The following NCOA1 variants were observed in gnomAD, a reference collection of about 807,000 sequenced individuals.
NCOA1 encodes Hin-2 protein.
In NCOA1, 35 loss-of-function variants were observed where a neutral mutation model predicts 150.9. The ratio of observed to expected loss-of-function variants is 0.23; its 90% CI spans 0.18 to 0.31. NCOA1 has a LOEUF of 0.31. NCOA1 is among the 10% of genes least tolerant of loss of function. NCOA1 has a pLI of 1.00. For synonymous variants in NCOA1, 590 were observed against 630.0 expected (o/e 0.94, Z 0.95); for missense variants, 1,491 against 1,749.3 (o/e 0.85, Z 2.63).
At position 24,658,671 on chromosome 2, in the gene NCOA1, T is replaced by C. The variant is rs1195070763; in HGVS notation, c.-7T>C. The stretch of plus-strand genomic sequence containing the variant: ...GTCCTTCCTGTTTAGGTGTGAAGTT[T>C]TTCAACATGAGTGGCCTCGGGGACA... On this transcript the variant is annotated 5_prime_UTR_variant, in exon 5 of 23. Transcript: ENST00000348332. 1.2e-6 allele frequency: 2 copies of C among 1,613,792 alleles called. No homozygotes were observed. The highest frequency in any genetic ancestry group is 3.3e-5 in the Admixed American group (2 of 60,026).
intron 1 of NCOA1, among the ~76,000 whole-genome samples, chr2:24,536,816 T>C (rs1665167368): frequency 6.6e-6 from 1 of 152,104 alleles, no homozygotes. Flanking sequence ...GAACAGCAAA[T>C]ACTACTGCCT....
At chr2:24,498,754 C>CAGTATGTAGTAAGT (rs951922862) in intron 1 of NCOA1, among the ~76,000 whole-genome samples, 24 of 152,088 alleles carry the variant, frequency 1.6e-4, no homozygotes, top group Admixed American at 1.0e-3. Flanking sequence ...TGGTGGGGAG[C>CAGTATGTAGTAAGT]AGTATGTAGT....
intron 19 of NCOA1, among the ~76,000 whole-genome samples, chr2:24,748,788 C>T (rs1394989946): frequency 6.6e-6 from 1 of 151,690 alleles, no homozygotes; most frequent in African/African-American, 2.4e-5. Context: ...AGTGACAGAA[C>T]ACAGTAGATA....
At chr2:24,625,856 T>A (rs1304188380) in intron 3 of NCOA1, among the ~76,000 whole-genome samples, 1 of 152,180 alleles carries the variant, frequency 6.6e-6, no homozygotes, top group East Asian at 1.9e-4. Flanking sequence ...TTTAATTTAT[T>A]TCAGTTGTGT....
At chr2:24,516,936 A>G (rs997771051) in intron 1 of NCOA1, among the ~76,000 whole-genome samples, 1 of 129,138 alleles carries the variant, frequency 7.7e-6, no homozygotes, top group African/African-American at 2.8e-5. Context: ...GCGTGTGTAT[A>G]TATATACGTA....
At chr2:24,579,182 A>T (rs1213321599) in intron 2 of NCOA1, among the ~76,000 whole-genome samples, 2 of 152,182 alleles carry the variant, frequency 1.3e-5, no homozygotes, top group Non-Finnish European at 2.9e-5. Context: ...AAGAGTTCTT[A>T]GAGGAATTTG....
At chr2:24,676,197 T>A (rs1055656310) in intron 7 of NCOA1, 1 of 154,610 alleles carries the variant, frequency 6.5e-6, no homozygotes, top group Admixed American at 6.5e-5. Context: ...TAGTTCCTTT[T>A]GTACTATCCG....
At chr2:24,505,184 C>G (rs1351088487) in intron 1 of NCOA1, among the ~76,000 whole-genome samples, 1 of 151,164 alleles carries the variant, frequency 6.6e-6, no homozygotes, top group African/African-American at 2.4e-5. Context: ...ATATTTTTTT[C>G]TTTTTTCTTT....
At chr2:24,567,485 C>A (rs1035949929) in intron 2 of NCOA1, among the ~76,000 whole-genome samples, 1 of 152,066 alleles carries the variant, frequency 6.6e-6, no homozygotes, top group African/African-American at 2.4e-5. Context: ...TTGAAGATGT[C>A]TTTTATTCAG....
chr2:24,552,398 G>T (rs1317993608), intron 1 of NCOA1, among the ~76,000 whole-genome samples: 1 of 101,814 alleles, frequency 9.8e-6, no homozygotes, highest in Non-Finnish European at 1.8e-5. Flanking sequence ...ATGGAGTCTC[G>T]CTCTGTTGTC....
rs926851084 is a variant in NCOA1 at position 24,728,235 on chromosome 2, ATATATG to A, written c.2718-67_2718-62del. ...ATTTTCTAAGACCAAATTTGCATCT[ATATATG>A]TATATAAAGATTGAATAAATTATTT... On this transcript the variant is annotated intron_variant, in intron 15 of 22. Coordinates refer to ENST00000348332, the MANE Select transcript of NCOA1 (RefSeq NM_003743.5). 5 of 1,337,854 alleles carry A rather than the reference ATATATG, an allele frequency of 3.7e-6. No homozygotes were observed. In the African/African-American group the frequency reaches 6.0e-5, roughly 16 times the overall value. The allele number at this position is 1,337,854 out of a possible 1,614,324, so 82.9% of individuals were successfully genotyped here. A position where few individuals can be genotyped will look rare whatever the true frequency, so the allele number is the denominator to read the frequency against.
intron 3 of NCOA1, among the ~76,000 whole-genome samples, chr2:24,632,404 A>T (rs1669747008): frequency 6.6e-6 from 1 of 152,176 alleles, no homozygotes; most frequent in Non-Finnish European, 1.5e-5. Context: ...AGATGCACTG[A>T]TATCCTTCTT....
chr2:24,663,396 A>G (rs1024654258), intron 5 of NCOA1, among the ~76,000 whole-genome samples: 5 of 151,962 alleles, frequency 3.3e-5, no homozygotes, highest in African/African-American at 9.7e-5. Flanking sequence ...TGTTTTCTTC[A>G]TTTTCTGACT....
chr2:24,671,801 T>C lies in NCOA1; in HGVS notation c.257-1565T>C, dbSNP rs189756583. On this transcript the variant is annotated intron_variant, in intron 6 of 22. Coordinates refer to ENST00000348332, the MANE Select transcript of NCOA1 (RefSeq NM_003743.5). Reference sequence around the variant, plus strand: ...GTCTCCAACTCCTGACCTCAGATGATCTGCCCATCTGATCATCTTCCCAAA... The same window carrying C: ...GTCTCCAACTCCTGACCTCAGATGACCTGCCCATCTGATCATCTTCCCAAA... Among the ~76,000 whole-genome samples the C allele has an allele frequency of 9.5e-4, 145 of 152,324 alleles. 1 individual carries two copies. Among genetic ancestry groups the C allele is most frequent in the South Asian group, 2.5e-3 (12 of 4,830 alleles).
At chr2:24,656,736 T>A (rs907921749) in intron 4 of NCOA1, among the ~76,000 whole-genome samples, 2 of 152,228 alleles carry the variant, frequency 1.3e-5, no homozygotes, top group Non-Finnish European at 1.5e-5. Flanking sequence ...GTGGCTGGCT[T>A]ATTTCACCTA....
chr2:24,690,822 A>C (rs1287541298), intron 8 of NCOA1, among the ~76,000 whole-genome samples: 1 of 152,072 alleles, frequency 6.6e-6, no homozygotes, highest in Non-Finnish European at 1.5e-5. Flanking sequence ...CCTATACTGG[A>C]TCAGGTAACA....
intron 3 of NCOA1, among the ~76,000 whole-genome samples, chr2:24,596,155 G>T (rs1667876678): frequency 3.3e-5 from 5 of 152,148 alleles, no homozygotes; most frequent in Admixed American, 3.3e-4. Context: ...ATTTGACAAG[G>T]ATTAAACTAC....
intron 4 of NCOA1, among the ~76,000 whole-genome samples, chr2:24,645,342 A>C (rs1239313406): frequency 6.6e-6 from 1 of 150,770 alleles, no homozygotes; most frequent in Non-Finnish European, 1.5e-5. Context: ...ATACAAAAAA[A>C]AAAAAAAAAA....
At chr2:24,620,506 G>A (rs1237253203) in intron 3 of NCOA1, among the ~76,000 whole-genome samples, 1 of 152,166 alleles carries the variant, frequency 6.6e-6, no homozygotes, top group African/African-American at 2.4e-5. Context: ...TGGGAAGGCT[G>A]AGGCAGGAGA....
Sources: allele counts gnomAD v4.1 joint callset (sites outside exome capture counted in the v4.1 genomes callset), GRCh38; gene constraint gnomAD v4.1.1; transcripts MANE v1.5; gene names NCBI Gene and HGNC (gene_info 2026-07-23, HGNC 2026-07-21).